The following SFXN5 variants were observed in gnomAD, a reference collection of about 807,000 sequenced individuals.
SFXN5 encodes the protein sideroflexin 5.
Under a neutral mutation model 50.2 loss-of-function variants are expected in SFXN5, and 43 were observed. That is an observed-to-expected ratio of 0.86 (90% CI 0.67 to 1.11). The LOEUF (loss-of-function observed/expected upper bound fraction) is 1.11. Ranked by LOEUF, SFXN5 falls within the 50% of genes least tolerant of loss-of-function variation. SFXN5 has a pLI of 0.00. For synonymous variants in SFXN5, 203 were observed against 185.8 expected, an observed-to-expected ratio of 1.09 and a Z score of -0.75; for missense variants, 463 against 454.1, an observed-to-expected ratio of 1.02 and a Z score of -0.18.
chr2:73,045,107 C>T (rs1307281090), intron 2 of SFXN5, among the ~76,000 whole-genome samples: 2 of 152,234 alleles, frequency 1.3e-5, no homozygotes, highest in Non-Finnish European at 2.9e-5. Context: ...TACCCCTCTG[C>T]ATGTACACAT....
At chr2:73,068,935 T>A (rs2421099) in intron 1 of SFXN5, among the ~76,000 whole-genome samples, 21,686 of 149,182 alleles carry the variant, frequency 0.15, 1,861 homozygotes, top group East Asian at 0.41. Flanking sequence ...GAGGAAGAGG[T>A]GATGTTCCAA....
chr2:73,000,523 T>TG (rs1203602320), intron 7 of SFXN5, 36 bp from the exon 8 acceptor site: 8 of 1,547,414 alleles, frequency 5.2e-6, no homozygotes, highest in Middle Eastern at 1.7e-4. Flanking sequence ...AGGGAAGGAG[T>TG]GGTCACCTCC....
rs770908414 is a variant in SFXN5 at position 73,020,246 on chromosome 2, G to A, written c.350C>T (p.Thr117Met). The change falls in exon 6 of 14, where the codon ACG (threonine) becomes ATG (methionine). Residue 117 changes from threonine (T) to methionine (M), a missense_variant. Transcript: ENST00000272433. ...TTTGAAGGTAACACTTACAATTGGC[G>A]TCCCAAAAGGAATATAACCTGTGAA... ...FRMSGYIPFG[T>M]PIVVGLLLPN... The A allele has an allele frequency of 1.7e-5, 28 of 1,613,744 alleles. No individual in the cohort carries two copies. The highest frequency in any genetic ancestry group is 1.0e-4 in the Admixed American group (6 of 59,986).
chr2:73,029,776 A>G (rs942688472), intron 3 of SFXN5, among the ~76,000 whole-genome samples: 1 of 152,236 alleles, frequency 6.6e-6, no homozygotes, highest in Admixed American at 6.5e-5. Context: ...TGACTTGCCC[A>G]AAGTCCCACA....
chr2:73,071,459 G>GT, intron 1 of SFXN5, 145 bp downstream of exon 1: 1 of 695,160 alleles, frequency 1.4e-6, no homozygotes, highest in Non-Finnish European at 2.4e-6. Flanking sequence ...AAGGGTGACT[G>GT]TGACCGAGGT....
intron 1 of SFXN5, among the ~76,000 whole-genome samples, chr2:73,065,923 T>C (rs1189325799): frequency 1.3e-5 from 2 of 152,142 alleles, no homozygotes; most frequent in African/African-American, 2.4e-5. Flanking sequence ...TTGTTTCCTG[T>C]CCTGGGGCCC....
rs72848103 is a variant in SFXN5, at chr2:72,981,749, T to G, written c.625+6509A>C. The stretch of plus-strand genomic sequence containing the variant: ...TTCTGGCACCCAGCCCAGCCCAACC[T>G]TCCATGGCTCCTCAAAATCCACAGC... On this transcript the variant is annotated intron_variant, in intron 10 of 13. Transcript: ENST00000272433. Among the ~76,000 whole-genome samples, 865 of 152,308 alleles carry G rather than the reference T, an allele frequency of 5.7e-3. 3 individuals are homozygous for G. The highest frequency in any genetic ancestry group is 1.0e-2 in the Non-Finnish European group (677 of 68,020).
intron 6 of SFXN5, among the ~76,000 whole-genome samples, chr2:73,009,515 G>A (rs1462041647): frequency 6.6e-6 from 1 of 152,224 alleles, no homozygotes; most frequent in East Asian, 1.9e-4. Flanking sequence ...AGATATCTGG[G>A]GCTAGGAAGT....
intron 13 of SFXN5, among the ~76,000 whole-genome samples, chr2:72,948,936 T>C (rs1292690536): frequency 1.3e-5 from 2 of 151,944 alleles, no homozygotes; most frequent in Non-Finnish European, 2.9e-5. Context: ...GCTTAAAGTC[T>C]AGAGAGGAGT....
chr2:72,999,130 AGAAG>A, intron 8 of SFXN5, 116 bp from the exon 9 acceptor site: 2 of 1,069,472 alleles, frequency 1.9e-6, no homozygotes, highest in South Asian at 1.4e-5. Context: ...GAAAGTGGGT[AGAAG>A]GAAGAGGCCC....
At chr2:73,058,641 C>T in intron 1 of SFXN5, 45 bp from the exon 2 acceptor site, 6 of 1,573,118 alleles carry the variant, frequency 3.8e-6, no homozygotes, top group Non-Finnish European at 5.2e-6. Context: ...TCAGCTGCTG[C>T]ACACCCTTCT....
intron 13 of SFXN5, among the ~76,000 whole-genome samples, chr2:72,954,861 C>T (rs1369540215): frequency 2.0e-5 from 3 of 152,218 alleles, no homozygotes; most frequent in African/African-American, 4.8e-5. Context: ...AGCACCAGGG[C>T]CCTGTCTTGA....
intron 10 of SFXN5, among the ~76,000 whole-genome samples, chr2:72,985,451 A>C (rs1242630587): frequency 6.6e-6 from 1 of 151,994 alleles, no homozygotes; most frequent in Non-Finnish European, 1.5e-5. Context: ...CCTGGTGGGA[A>C]AGGGCCACAC....
chr2:73,029,228 G>A (rs1340961438), intron 3 of SFXN5, among the ~76,000 whole-genome samples: 2 of 152,210 alleles, frequency 1.3e-5, no homozygotes, highest in Non-Finnish European at 2.9e-5. Context: ...CCAAGTCCCT[G>A]AGTTGCAACG....
intron 3 of SFXN5, among the ~76,000 whole-genome samples, chr2:73,038,603 T>A (rs1679249775): frequency 6.6e-6 from 1 of 152,330 alleles, no homozygotes; most frequent in South Asian, 2.1e-4. Flanking sequence ...ACTCCAGGCC[T>A]GGGTGACAGA....
chr2:73,055,583 C>CT (rs964640477), intron 2 of SFXN5, among the ~76,000 whole-genome samples: 1 of 148,226 alleles, frequency 6.7e-6, no homozygotes, highest in African/African-American at 2.5e-5. Flanking sequence ...GGGTGGATTT[C>CT]TTTTTTTTCT....
chr2:73,035,091 G>C (rs1678806498), intron 3 of SFXN5, among the ~76,000 whole-genome samples: 1 of 152,160 alleles, frequency 6.6e-6, no homozygotes, highest in Non-Finnish European at 1.5e-5. Flanking sequence ...GGTTGATACA[G>C]GTACCTACTG....
intron 3 of SFXN5, among the ~76,000 whole-genome samples, 184 bp from the exon 4 acceptor site, chr2:73,023,398 G>A (rs1265618188): frequency 6.6e-6 from 1 of 152,140 alleles, no homozygotes; most frequent in Admixed American, 6.5e-5. Context: ...ACATCAGAGA[G>A]TAAGGGCCAG....
chr2:73,025,958 T>C (rs1313347541), intron 3 of SFXN5, among the ~76,000 whole-genome samples: 1 of 152,138 alleles, frequency 6.6e-6, no homozygotes, highest in Non-Finnish European at 1.5e-5. Context: ...GGAGCCCGTC[T>C]GCATCCAGCT....
Sources: gnomAD v4.1 joint callset for allele counts (sites outside exome capture counted in the v4.1 genomes callset) on GRCh38, gnomAD v4.1.1 for gene constraint, MANE v1.5 for transcripts, NCBI Gene and HGNC (gene_info 2026-07-23, HGNC 2026-07-21) for gene names.